Variants in LARS2 observed in about 807,000 individuals in gnomAD.
LARS2 encodes the protein leucyl-tRNA synthetase 2, mitochondrial.
In LARS2, 81 loss-of-function variants were observed where a neutral mutation model predicts 116.6. The ratio of observed to expected loss-of-function variants is 0.69; its 90% CI spans 0.58 to 0.84. The LOEUF (loss-of-function observed/expected upper bound fraction) is 0.84, where lower values mean the gene tolerates loss of function less well. Among genes scored for constraint, LARS2 ranks in the 40% least tolerant of loss-of-function variants. The pLI, the probability that LARS2 is intolerant of heterozygous loss-of-function variation, is 0.00. For synonymous variants in LARS2, 396 were observed against 407.2 expected (o/e 0.97, Z 0.33); for missense variants, 968 against 1,114.5 (o/e 0.87, Z 1.87).
intron 3 of LARS2, among the ~76,000 whole-genome samples, chr3:45,399,059 A>G (rs768466330): frequency 6.6e-5 from 10 of 152,200 alleles, no homozygotes; most frequent in Admixed American, 2.0e-4. Flanking sequence ...ACAGTTGTCT[A>G]TGTTTCTCAT....
chr3:45,494,373 T>C (rs9882222), intron 13 of LARS2, among the ~76,000 whole-genome samples: 1,663 of 152,286 alleles, frequency 0.011, 28 homozygotes, highest in African/African-American at 0.038. Context: ...AAATTAAAAA[T>C]ACACTCAAGC....
At chr3:45,489,344 G>C (rs1246230866) in intron 12 of LARS2, among the ~76,000 whole-genome samples, 1 of 152,102 alleles carries the variant, frequency 6.6e-6, no homozygotes, top group African/African-American at 2.4e-5. Flanking sequence ...GAAGAGGTAG[G>C]GTGAGGGATG....
chr3:45,396,420 G>A (rs1698046670), intron 3 of LARS2, among the ~76,000 whole-genome samples: 2 of 152,208 alleles, frequency 1.3e-5, no homozygotes, highest in East Asian at 3.8e-4. Context: ...GAGAAAATGT[G>A]TGACAAAATG....
intron 20 of LARS2, among the ~76,000 whole-genome samples, chr3:45,540,746 GTCTATCTATCTATCTATCTA>G (rs3085493): frequency 1.3e-3 from 191 of 149,222 alleles, no homozygotes; most frequent in Non-Finnish European, 2.0e-3. Flanking sequence ...GTATCTATCT[GTCTATCTATCTATCTATCTA>G]TCTATCTATC....
rs752357650 is a variant in LARS2, at chr3:45,516,233, T to C, written c.2001T>C (p.Leu667=). The C allele has an allele frequency of 1.2e-6, 2 of 1,613,954 alleles. No individual in the cohort carries two copies. The highest frequency in any genetic ancestry group is 1.7e-6 in the Non-Finnish European group (2 of 1,179,988). ...TCGACACGATTCGGCTCTACATCCT[T>C]TTTGCTGCCCCTCCTGAGAAGGATA... ...YGIDTIRLYI[L]FAAPPEKDIL... Residue 667 remains leucine, a synonymous_variant, in exon 17 of 22, where the codon CTT becomes CTC. Transcript: ENST00000645846.
At chr3:45,419,876 C>T in intron 6 of LARS2, 147 bp downstream of exon 6, 1 of 644,354 alleles carries the variant, frequency 1.6e-6, no homozygotes, top group Non-Finnish European at 2.8e-6. Flanking sequence ...AAAAAGTATC[C>T]TGAGTGGATA....
Position 45,446,903 on chromosome 3 carries a change from T to C in LARS2, c.529T>C (p.Cys177Arg). The C allele has an allele frequency of 1.2e-6, 2 of 1,607,894 alleles. No individual in the cohort carries two copies. Among genetic ancestry groups the C allele is most frequent in the South Asian group, 2.2e-5 (2 of 90,732 alleles). ...TCTTTGTTGGCAGGAAATAACTACGTGTTTGCCAGATTACTACAAGTGGAC... is the reference window on the plus strand; with the variant it reads ...TCTTTGTTGGCAGGAAATAACTACGCGTTTGCCAGATTACTACAAGTGGAC... ...CFSWDREITT[C>R]LPDYYKWTQY... The change falls in exon 7 of 22, where the codon TGT (cysteine) becomes CGT (arginine). Residue 177 changes from cysteine (C) to arginine (R), a missense_variant. Physicochemically the swap from Cys to Arg is radical, Grantham distance 180. Transcript: ENST00000645846.
chr3:45,524,191 G>T, intron 20 of LARS2, 83 bp downstream of exon 20: 1 of 864,654 alleles, frequency 1.2e-6, no homozygotes, highest in South Asian at 1.5e-5. Context: ...TCGGGACTCA[G>T]ATGTCCTCAG....
At chr3:45,453,433 T>C (rs1364397595) in intron 7 of LARS2, among the ~76,000 whole-genome samples, 1 of 152,190 alleles carries the variant, frequency 6.6e-6, no homozygotes, top group Non-Finnish European at 1.5e-5. Context: ...AATTTATGAG[T>C]CTGTCTTTAG....
Position 45,529,567 on chromosome 3 carries a change from T to A in LARS2, c.2404+5459T>A, listed in dbSNP as rs1472657364. On this transcript the variant is annotated intron_variant, in intron 20 of 21. Coordinates refer to ENST00000645846, the MANE Select transcript of LARS2 (RefSeq NM_015340.4). ...TCCATCTCCAAAAAAAAAAAAAAAA[T>A]GCTAAATAGCTAATGTTTACGTGCA... Among the ~76,000 whole-genome samples, 547 of 145,608 alleles carry A rather than the reference T, an allele frequency of 3.8e-3. 2 individuals carry two copies. The highest frequency in any genetic ancestry group is 0.012 in the African/African-American group (484 of 39,870).
At chr3:45,451,949 A>G (rs951588524) in intron 7 of LARS2, among the ~76,000 whole-genome samples, 2 of 151,996 alleles carry the variant, frequency 1.3e-5, no homozygotes, top group African/African-American at 4.8e-5. Flanking sequence ...TTTTATTTGT[A>G]ACTCTTATAA....
At chr3:45,522,209 G>T (rs934700961) in intron 19 of LARS2, among the ~76,000 whole-genome samples, 1 of 152,204 alleles carries the variant, frequency 6.6e-6, no homozygotes, top group African/African-American at 2.4e-5. Context: ...ACCTTGCCAG[G>T]AAGCACTTCG....
intron 4 of LARS2, among the ~76,000 whole-genome samples, chr3:45,402,601 C>T (rs1046495739): frequency 6.6e-6 from 1 of 152,154 alleles, no homozygotes; most frequent in African/African-American, 2.4e-5. Context: ...AAATTTTATG[C>T]TGAGCTGACA....
intron 14 of LARS2, 99 bp downstream of exon 14, chr3:45,496,472 G>A (rs1700013195): frequency 1.1e-6 from 1 of 905,742 alleles, no homozygotes; most frequent in Admixed American, 1.8e-5. Context: ...ATTTCTTGGG[G>A]GGAAATGCCT....
At chr3:45,467,463 G>C (rs1323273877) in intron 8 of LARS2, among the ~76,000 whole-genome samples, 1 of 152,128 alleles carries the variant, frequency 6.6e-6, no homozygotes, top group Non-Finnish European at 1.5e-5. Flanking sequence ...AATACATTCT[G>C]TAGTTTTAAA....
chr3:45,510,232 G>A lies in LARS2; in HGVS notation c.1761-2903G>A, dbSNP rs1700266970. Among the ~76,000 whole-genome samples, 2 of 152,006 alleles carry A rather than the reference G, an allele frequency of 1.3e-5. 1 individual carries two copies. Among genetic ancestry groups the A allele is most frequent in the Non-Finnish European group, 2.9e-5 (2 of 67,980 alleles). ...GTTCAAGACCAGCCTGGGCAACATAGTGAGACTTCATCTCTACCAAAAATA... is the reference window on the plus strand; with the variant it reads ...GTTCAAGACCAGCCTGGGCAACATAATGAGACTTCATCTCTACCAAAAATA... On this transcript the variant is annotated intron_variant, in intron 15 of 21. Transcript: ENST00000645846.
intron 5 of LARS2, among the ~76,000 whole-genome samples, chr3:45,419,095 T>C (rs1008893748): frequency 6.6e-6 from 1 of 152,248 alleles, no homozygotes; most frequent in African/African-American, 2.4e-5. Context: ...ATTAGTCCTT[T>C]TTCTTTAAAA....
At chr3:45,512,958 T>C (rs536950546) in intron 15 of LARS2, among the ~76,000 whole-genome samples, 177 bp from the exon 16 acceptor site, 2 of 152,316 alleles carry the variant, frequency 1.3e-5, no homozygotes, top group East Asian at 3.9e-4. Context: ...TATTTTCTTA[T>C]CACTTATTTC....
intron 4 of LARS2, among the ~76,000 whole-genome samples, chr3:45,406,820 G>A (rs1698240112): frequency 6.6e-6 from 1 of 152,190 alleles, no homozygotes; most frequent in Non-Finnish European, 1.5e-5. Flanking sequence ...ATCAGAAAAG[G>A]CTGTACTGCC....
Sources: allele counts gnomAD v4.1 joint callset (sites outside exome capture counted in the v4.1 genomes callset), GRCh38; gene constraint gnomAD v4.1.1; transcripts MANE v1.5; gene names NCBI Gene and HGNC (gene_info 2026-07-23, HGNC 2026-07-21).